Variants in DIXDC1 observed in about 807,000 individuals in gnomAD.
DIXDC1 encodes the protein dixin.
A neutral mutation model predicts 103.1 loss-of-function variants in DIXDC1; 64 were observed. The observed-to-expected ratio is 0.62, with a 90% CI of 0.51 to 0.76. The LOEUF is 0.76. Ranked by LOEUF, DIXDC1 falls within the 30% of genes least tolerant of loss-of-function variation. The probability of loss-of-function intolerance (pLI) is 0.00; values close to 1 mark genes in which losing one functional copy is unlikely to be tolerated. For missense variants in DIXDC1, 759 were observed against 834.2 expected (o/e 0.91, Z 1.11); for synonymous variants, 266 against 298.5 (o/e 0.89, Z 1.12).
intron 1 of DIXDC1, among the ~76,000 whole-genome samples, chr11:111,950,440 T>TATATATATATATATATA (rs1566474109): frequency 1.4e-4 from 1 of 7,242 alleles, no homozygotes; most frequent in Non-Finnish European, 2.5e-4. Flanking sequence ...ATATATATAT[T>TATATATATATATATATA]TTTTTTTTTT....
intron 10 of DIXDC1, among the ~76,000 whole-genome samples, chr11:111,990,435 C>G (rs185168167): frequency 6.6e-6 from 1 of 152,018 alleles, no homozygotes; most frequent in African/African-American, 2.4e-5. Context: ...GTGTCTACAT[C>G]GCTTTCCCCC....
chr11:111,963,350 TAC>T (rs1183690794), intron 1 of DIXDC1, among the ~76,000 whole-genome samples: 2 of 152,226 alleles, frequency 1.3e-5, no homozygotes, highest in Non-Finnish European at 2.9e-5. Flanking sequence ...TTGCACTTCC[TAC>T]AGTTTGTCAG....
chr11:111,975,094 A>G, intron 5 of DIXDC1, 111 bp downstream of exon 5: 1 of 1,517,842 alleles, frequency 6.6e-7, no homozygotes, highest in Non-Finnish European at 8.8e-7. Context: ...CCCTCAGTTT[A>G]TGTTTGGCTT....
At chr11:111,995,200 T>G in intron 15 of DIXDC1, 92 bp downstream of exon 15, 1 of 1,397,814 alleles carries the variant, frequency 7.2e-7, no homozygotes, top group Non-Finnish European at 9.9e-7. Flanking sequence ...GCCTTTTATA[T>G]TCCAGTTCCC....
upstream of DIXDC1, among the ~76,000 whole-genome samples, chr11:111,933,691 C>CA (rs34415537): frequency 0.52 from 57,841 of 111,756 alleles, 17,124 homozygotes; most frequent in Non-Finnish European, 0.63. Context: ...CTCTCTCTCT[C>CA]AAAAAAAAAA....
In DIXDC1 at chr11:111,958,514, C is replaced by T. The variant is rs1256014609; in HGVS notation, c.61-6035C>T. Among the ~76,000 whole-genome samples the T allele has an allele frequency of 2.0e-5, 3 of 152,228 alleles. No individual in the cohort carries two copies. The highest frequency in any genetic ancestry group is 6.5e-5 in the Admixed American group (1 of 15,292). On this transcript the variant is annotated intron_variant, in intron 1 of 19. Coordinates refer to ENST00000440460, the MANE Select transcript of DIXDC1 (RefSeq NM_001037954.4). This position sits in a 1 kb window ranked among gnomAD's most constrained non-coding sequence, Gnocchi z 4.2. ...GCACTGATATGCCAGCCCCCTGCTG[C>T]CTTAGCTCCCTCTGGACTTTGGGTG...
intron 1 of DIXDC1, among the ~76,000 whole-genome samples, chr11:111,941,890 T>C (rs1966432719): frequency 6.6e-6 from 1 of 151,118 alleles, no homozygotes; most frequent in African/African-American, 2.4e-5. Flanking sequence ...AGAGTTTTAG[T>C]CTGGTCTCAT....
upstream of DIXDC1, chr11:111,937,192 CCGTGCGGCTTTCCCGCAGGAAAG>C (rs782366155): frequency 2.0e-3 from 2,211 of 1,079,978 alleles, 5 homozygotes; most frequent in Non-Finnish European, 2.2e-3. Flanking sequence ...GCCCGCCTGG[CCGTGCGGCTTTCCCGCAGGAAAG>C]CGGGGCTGGG....
intron 10 of DIXDC1, among the ~76,000 whole-genome samples, 172 bp from the exon 11 acceptor site, chr11:111,992,243 G>T (rs1860733390): frequency 6.6e-6 from 1 of 152,224 alleles, no homozygotes; most frequent in South Asian, 2.1e-4. Context: ...GTTTCCTAGA[G>T]GGGGACAGAA....
chr11:111,934,436 C>CTT (rs782159029), upstream of DIXDC1, among the ~76,000 whole-genome samples: 5 of 152,234 alleles, frequency 3.3e-5, no homozygotes, highest in Admixed American at 6.5e-5. Flanking sequence ...TGCTGGGTTT[C>CTT]TTTGCCTCTG....
At chr11:111,987,574 C>A (rs1181217549) in intron 9 of DIXDC1, among the ~76,000 whole-genome samples, 1 of 151,394 alleles carries the variant, frequency 6.6e-6, no homozygotes, top group Non-Finnish European at 1.5e-5. Context: ...CCTAGCTTTT[C>A]TTTTGGTCAT....
At chr11:111,927,684 G>A (rs782203786) in intron 1 of DIXDC1, among the ~76,000 whole-genome samples, 6 of 152,178 alleles carry the variant, frequency 3.9e-5, no homozygotes, top group Non-Finnish European at 8.8e-5. Context: ...GTAGAGTACT[G>A]AAAATGAAAT....
intron 1 of DIXDC1, among the ~76,000 whole-genome samples, chr11:111,949,401 CGGGTCCAACATTTT>C (rs1190743710): frequency 1.3e-5 from 2 of 152,322 alleles, no homozygotes; most frequent in Admixed American, 1.3e-4. Flanking sequence ...GCCAGTCATT[CGGGTCCAACATTTT>C]GGACCCTCTT....
At chr11:111,947,232 A>G (rs906875909) in intron 1 of DIXDC1, among the ~76,000 whole-genome samples, 2 of 152,146 alleles carry the variant, frequency 1.3e-5, no homozygotes, top group Admixed American at 1.3e-4. Flanking sequence ...TCCCTATTTT[A>G]CATATCTGCT....
At chr11:112,018,592 T>C (rs587694990) in intron 19 of DIXDC1, among the ~76,000 whole-genome samples, 1 of 152,358 alleles carries the variant, frequency 6.6e-6, no homozygotes, top group South Asian at 2.1e-4. Context: ...AAAATGAGTC[T>C]TTTTTCCCCA....
Position 111,993,525 on chromosome 11 carries a change from TCAG to T in DIXDC1, c.1308_1310del (p.Gln436del). On this transcript the variant is annotated inframe_deletion, in exon 13 of 20. Transcript: ENST00000440460. ...AGCTGGGGCAGAAGGATCGCCTTCT[TCAG>T]CAGCACCAGGCCAAGTTAGAAGAAG... is the stretch of plus-strand genomic sequence containing the variant. 1.2e-6 allele frequency: 2 copies of T among 1,614,002 alleles called. No homozygotes were observed. The highest frequency in any genetic ancestry group is 1.7e-6 in the Non-Finnish European group (2 of 1,179,884).
intron 1 of DIXDC1, among the ~76,000 whole-genome samples, chr11:111,954,696 A>G (rs587663730): frequency 6.6e-6 from 1 of 152,296 alleles, no homozygotes; most frequent in South Asian, 2.1e-4. Context: ...TTTATTTTTC[A>G]CCAGGTATGA....
rs782261544 is a variant in DIXDC1, at chr11:111,937,522, G to A, written c.23G>A (p.Gly8Glu). ...ACAATGCTAGCCTGCCTGACCCGAG[G>A]GAACTTACTGGACGTCCTGCAGGAG... Reference protein sequence around the residue: MLACLTRGNLLDVLQEGF... With the variant: MLACLTRENLLDVLQEGF... The change falls in exon 1 of 20, where the codon GGG becomes GAG. Residue 8 changes from glycine (G) to glutamate (E), a missense_variant. Gly to Glu is a moderately conservative substitution (Grantham distance 98). Around this residue, in one of 3 missense-constraint regions of DIXDC1, gnomAD observed 97 missense variants for 85.4 expected, o/e 1.14. Transcript: ENST00000440460. 2.9e-5 allele frequency: 46 copies of A among 1,596,030 alleles called. No individual in the cohort carries two copies. The East Asian group carries it at 8.6e-4, about 30-fold the overall frequency.
At chr11:111,944,744 G>C (rs1001617779) in intron 1 of DIXDC1, among the ~76,000 whole-genome samples, 9 of 152,212 alleles carry the variant, frequency 5.9e-5, no homozygotes, top group Non-Finnish European at 1.2e-4. Flanking sequence ...GAGGGGTCCA[G>C]TCTCATCAAG....
Sources: allele counts gnomAD v4.1 joint callset (sites outside exome capture counted in the v4.1 genomes callset), GRCh38; gene constraint gnomAD v4.1.1; regional missense constraint gnomAD v4.1.1; non-coding constraint Gnocchi (gnomAD v3.1); transcripts MANE v1.5; gene names NCBI Gene and HGNC (gene_info 2026-07-23, HGNC 2026-07-21).